CCNG2: variants seen among roughly 807,000 people sequenced by gnomAD.
The protein encoded by CCNG2 is cyclin-G2.
A neutral mutation model predicts 36.5 loss-of-function variants in CCNG2; 20 were observed. The ratio of observed to expected loss-of-function variants is 0.55; its 90% confidence interval spans 0.39 to 0.80. The LOEUF is 0.80. Ranked by LOEUF, CCNG2 falls within the 30% of genes least tolerant of loss-of-function variation. The probability of loss-of-function intolerance (pLI) is 0.00; values close to 1 mark genes in which losing one functional copy is unlikely to be tolerated. For missense variants in CCNG2, 358 were observed against 390.8 expected, an observed-to-expected ratio of 0.92 and a Z score of 0.71; for synonymous variants, 155 against 140.1, an observed-to-expected ratio of 1.11 and a Z score of -0.75.
rs79005695 is a variant in CCNG2 at position 77,162,174 on chromosome 4, G to C, written c.705+427G>C. On this transcript the variant is annotated intron_variant, in intron 6 of 7. Coordinates refer to ENST00000316355, the MANE Select transcript of CCNG2 (RefSeq NM_004354.3). ...CCAGCAATGTTGATGTTTTAAACCC[G>C]AATGTCTTTTCAAATCCTTTAGGCC... Among the ~76,000 whole-genome samples the C allele has an allele frequency of 4.7e-3, 708 of 152,220 alleles. 5 individuals carry two copies. Among genetic ancestry groups the C allele is most frequent in the African/African-American group, 0.017 (686 of 41,528 alleles).
chr4:77,162,679 C>T (rs540253222), intron 6 of CCNG2, among the ~76,000 whole-genome samples: 11 of 151,944 alleles, frequency 7.2e-5, no homozygotes, highest in South Asian at 2.1e-4. Flanking sequence ...CCACTGTGCC[C>T]GGCTTACTTT....
At chr4:77,159,071 A>T (rs1476358184) in intron 2 of CCNG2, among the ~76,000 whole-genome samples, 1 of 152,258 alleles carries the variant, frequency 6.6e-6, no homozygotes, top group Admixed American at 6.5e-5. Context: ...ATTCCAAGGG[A>T]ATTGAATTAT....
chr4:77,159,041 C>G (rs923189100), intron 2 of CCNG2, among the ~76,000 whole-genome samples: 5 of 152,204 alleles, frequency 3.3e-5, no homozygotes, highest in Admixed American at 2.0e-4. Flanking sequence ...GAAAAGCAAA[C>G]AAAAGAACCC....
At chr4:77,160,214 T>C (rs1560421936) in intron 3 of CCNG2, among the ~76,000 whole-genome samples, 2 of 152,128 alleles carry the variant, frequency 1.3e-5, no homozygotes. Context: ...GTTAAAAAGC[T>C]TAATTTATTT....
rs1731720992 is a variant in CCNG2, at chr4:77,169,749, C to T, written c.*3825C>T. On this transcript the variant is annotated 3_prime_UTR_variant, in exon 8 of 8. Transcript: ENST00000316355. Reference sequence around the variant, plus strand: ...GGATGTTCCAGCCTTAAGCTCCCAGCTGAATGTGGGTGTATCCTCAGCTAC... The same window carrying T: ...GGATGTTCCAGCCTTAAGCTCCCAGTTGAATGTGGGTGTATCCTCAGCTAC... 6.6e-6 allele frequency: 1 copy of T among 152,230 alleles called. No homozygotes were observed. The highest frequency in any genetic ancestry group is 6.5e-5 in the Admixed American group (1 of 15,286). The allele number at this position is 152,230 out of a possible 1,614,324, so 9.4% of individuals were successfully genotyped here.
rs1167780796 is a variant in CCNG2, at chr4:77,159,563, A to G, written c.276+59A>G. On this transcript the variant is annotated intron_variant, in intron 3 of 7. Transcript: ENST00000316355. ...TTTCTATGCCCAGTGCCTAGCACAC[A>G]GGGTTCAAGAAATATTTATCGAATG... is the stretch of plus-strand genomic sequence containing the variant. 8 of 1,518,572 alleles carry G rather than the reference A, an allele frequency of 5.3e-6. No individual in the cohort carries two copies. The East Asian group carries it at 1.8e-4, about 34-fold the overall frequency. The allele number at this position is 1,518,572 out of a possible 1,614,324, so 94.1% of individuals were successfully genotyped here.
Position 77,160,738 on chromosome 4 carries a change from G to A in CCNG2, c.294G>A (p.Leu98=), listed in dbSNP as rs1263379918. The change falls in exon 4 of 8, where the codon TTG becomes TTA. Residue 98 remains leucine, a synonymous_variant. Transcript: ENST00000316355. Reference sequence around the variant, plus strand: ...TTTCTCAGGTGAAACCTAAACATTTGTCTTGCATTGGAGTCTGTTCTTTTT... The same window carrying A: ...TTTCTCAGGTGAAACCTAAACATTTATCTTGCATTGGAGTCTGTTCTTTTT... ...LALMKVKPKH[L]SCIGVCSFLL... 6 of 1,613,002 alleles carry A rather than the reference G, an allele frequency of 3.7e-6. No homozygotes were observed. The East Asian group carries it at 8.9e-5, about 24-fold the overall frequency.
chr4:77,158,733 C>G (rs1577903559), intron 2 of CCNG2, 63 bp downstream of exon 2: 2 of 1,571,330 alleles, frequency 1.3e-6, no homozygotes, highest in South Asian at 2.3e-5. Flanking sequence ...GGTAACCCCC[C>G]CGCCCCCGTT....
Position 77,157,225 on chromosome 4 carries a change from G to T in CCNG2, c.-282G>T, listed in dbSNP as rs1317143882. ...CGTCGAAACTCTTAACAAAAACAAGGGGCTCGGGGAGGTTTCCGCTGAGGC... is the reference window on the plus strand; with the variant it reads ...CGTCGAAACTCTTAACAAAAACAAGTGGCTCGGGGAGGTTTCCGCTGAGGC... On this transcript the variant is annotated 5_prime_UTR_variant, in exon 1 of 8. Coordinates refer to ENST00000316355, the MANE Select transcript of CCNG2 (RefSeq NM_004354.3). 1 of 152,252 alleles carries T rather than the reference G, an allele frequency of 6.6e-6. No individual in the cohort carries two copies. The highest frequency in any genetic ancestry group is 1.5e-5 in the Non-Finnish European group (1 of 68,074). The allele number at this position is 152,252 out of a possible 1,614,324, so 9.4% of individuals were successfully genotyped here.
chr4:77,163,239 C>G (rs1210691091), intron 6 of CCNG2, among the ~76,000 whole-genome samples: 1 of 152,068 alleles, frequency 6.6e-6, no homozygotes, highest in Non-Finnish European at 1.5e-5. Context: ...CCTTTCCCCC[C>G]AACATTAGGA....
intron 3 of CCNG2, 88 bp downstream of exon 3, chr4:77,159,592 A>G: frequency 1.6e-6 from 2 of 1,273,884 alleles, no homozygotes; most frequent in South Asian, 1.4e-5. Context: ...TCGAATGGGT[A>G]TAATAACGTC....
chr4:77,165,733 TG>T, intron 7 of CCNG2, 67 bp from the exon 8 acceptor site: 2 of 1,336,394 alleles, frequency 1.5e-6, no homozygotes, highest in East Asian at 2.5e-5. Flanking sequence ...AGCTTTATTT[TG>T]GCTATAAAAC....
intron 7 of CCNG2, among the ~76,000 whole-genome samples, chr4:77,165,361 T>C (rs1731598681): frequency 6.6e-6 from 1 of 152,184 alleles, no homozygotes; most frequent in Non-Finnish European, 1.5e-5. Flanking sequence ...TATTAATTGG[T>C]ACAAGAATAA....
intron 4 of CCNG2, 123 bp downstream of exon 4, chr4:77,161,094 T>G: frequency 1.7e-6 from 1 of 590,290 alleles, no homozygotes; most frequent in Non-Finnish European, 2.7e-6. Context: ...ACTTTATTGG[T>G]AAATCTTTTT....
In CCNG2 at chr4:77,164,259, A is replaced by T; in HGVS notation, c.706-15A>T. ...GGAGACATTGCCGTAACCTCTTAAA[A>T]TATTTTTTTTTCAGATTAATGACAC... On this transcript the variant is annotated splice_polypyrimidine_tract_variant and intron_variant, in intron 6 of 7. Coordinates refer to ENST00000316355, the MANE Select transcript of CCNG2 (RefSeq NM_004354.3). The T allele has an allele frequency of 6.2e-7, 1 of 1,603,700 alleles. No individual in the cohort carries two copies. The highest frequency in any genetic ancestry group is 2.2e-5 in the East Asian group (1 of 44,812).
At chr4:77,159,004 T>C (rs1174394512) in intron 2 of CCNG2, among the ~76,000 whole-genome samples, 1 of 152,214 alleles carries the variant, frequency 6.6e-6, no homozygotes, top group Non-Finnish European at 1.5e-5. Context: ...GAAATACATA[T>C]TTATAGTAGA....
chr4:77,164,291 C>T lies in CCNG2; in HGVS notation c.723C>T (p.Phe241=), dbSNP rs764480461. Residue 241 remains phenylalanine, a synonymous_variant, in exon 7 of 8, where the codon TTC becomes TTT. Transcript: ENST00000316355. The part of the protein sequence containing the change: ...KKHSKINDTE[F]FYWRELVSKC... Reference sequence around the variant, plus strand: ...TTTTTCAGATTAATGACACTGAGTTCTTCTACTGGAGAGAGTTGGTTTCTA... The same window carrying T: ...TTTTTCAGATTAATGACACTGAGTTTTTCTACTGGAGAGAGTTGGTTTCTA... 1.2e-6 allele frequency: 2 copies of T among 1,613,100 alleles called. No individual in the cohort carries two copies. The highest frequency in any genetic ancestry group is 2.2e-5 in the East Asian group (1 of 44,882).
intron 2 of CCNG2, among the ~76,000 whole-genome samples, chr4:77,159,087 C>G (rs1181714980): frequency 6.6e-6 from 1 of 152,206 alleles, no homozygotes; most frequent in Admixed American, 6.5e-5. Flanking sequence ...ATTATATTTG[C>G]TATAACTCTC....
chr4:77,159,276 G>C (rs761602569), intron 2 of CCNG2, 91 bp from the exon 3 acceptor site: 1 of 1,234,424 alleles, frequency 8.1e-7, no homozygotes, highest in Non-Finnish European at 1.1e-6. Context: ...CTTATTCTTG[G>C]GAAAAAATTA....
Sources: gnomAD v4.1 joint callset for allele counts (sites outside exome capture counted in the v4.1 genomes callset) on GRCh38, gnomAD v4.1.1 for gene constraint, MANE v1.5 for transcripts, NCBI Gene and HGNC (gene_info 2026-07-23, HGNC 2026-07-21) for gene names.